The following TPTE variants were observed in gnomAD, a reference collection of about 807,000 sequenced individuals.
TPTE encodes transmembrane phosphatase with tensin homology.
In TPTE, 59 loss-of-function variants were observed where a neutral mutation model predicts 84.1. The ratio of observed to expected loss-of-function variants is 0.70; its 90% CI spans 0.57 to 0.87. The LOEUF is 0.87. Ranked by LOEUF, TPTE falls within the 40% of genes least tolerant of loss-of-function variation. TPTE has a pLI of 0.00. For synonymous variants in TPTE, 130 were observed against 223.5 expected (o/e 0.58, Z 3.73); for missense variants, 382 against 659.6 (o/e 0.58, Z 4.61).
At chr21:10,527,157 TCA>T (rs58743171) in intron 2 of TPTE, among the ~76,000 whole-genome samples, 196 bp from the exon 3 acceptor site, 2 of 150,286 alleles carry the variant, frequency 1.3e-5, no homozygotes, top group African/African-American at 4.9e-5. Context: ...TCTCTCTCTC[TCA>T]CACACACACA....
intron 18 of TPTE, among the ~76,000 whole-genome samples, chr21:10,591,069 T>A (rs1358216763): frequency 1.3e-5 from 2 of 152,304 alleles, no homozygotes; most frequent in African/African-American, 4.8e-5. Context: ...GCCTTGCCCA[T>A]CCTCACAACT....
intron 1 of TPTE, among the ~76,000 whole-genome samples, chr21:10,523,693 A>C (rs2074028625): frequency 6.6e-6 from 1 of 152,296 alleles, no homozygotes. Context: ...AATCCAGTCT[A>C]TCATTGTTGG....
chr21:10,533,295 T>C (rs1344542875), intron 3 of TPTE, among the ~76,000 whole-genome samples: 1 of 152,288 alleles, frequency 6.6e-6, no homozygotes, highest in African/African-American at 2.4e-5. Context: ...TTCTCTTTTA[T>C]TTTTTCTTAC....
chr21:10,535,751 G>A (rs569603668), intron 3 of TPTE, among the ~76,000 whole-genome samples: 1 of 152,306 alleles, frequency 6.6e-6, no homozygotes, highest in Non-Finnish European at 1.5e-5. Context: ...AACCGTAATG[G>A]GTTCCTCACC....
At chr21:10,534,449 T>C (rs571091601) in intron 3 of TPTE, among the ~76,000 whole-genome samples, 3 of 152,302 alleles carry the variant, frequency 2.0e-5, no homozygotes, top group South Asian at 2.1e-4. Flanking sequence ...GTGTTTTGTT[T>C]GTTTTGTTTT....
At chr21:10,551,323 T>A (rs1330470605) in intron 7 of TPTE, among the ~76,000 whole-genome samples, 1 of 152,268 alleles carries the variant, frequency 6.6e-6, no homozygotes, top group African/African-American at 2.4e-5. Flanking sequence ...CATTAGGAGA[T>A]ATACCTAATG....
At chr21:10,594,274 C>G (rs1479128656) in intron 19 of TPTE, among the ~76,000 whole-genome samples, 1 of 152,312 alleles carries the variant, frequency 6.6e-6, no homozygotes, top group Non-Finnish European at 1.5e-5. Context: ...AGTCCCTTTC[C>G]CTTCTCAGCC....
intron 17 of TPTE, among the ~76,000 whole-genome samples, chr21:10,588,639 A>T: frequency 6.6e-6 from 1 of 152,310 alleles, no homozygotes; most frequent in Non-Finnish European, 1.5e-5. Context: ...TCTCTAGGGC[A>T]TGCCAGTAAT....
At chr21:10,591,668 C>T (rs1407526079) in intron 18 of TPTE, among the ~76,000 whole-genome samples, 1 of 152,304 alleles carries the variant, frequency 6.6e-6, no homozygotes, top group Non-Finnish European at 1.5e-5. Context: ...TATGCGAGGC[C>T]TGTGCTTCTT....
Position 10,605,655 on chromosome 21 carries a change from A to G in TPTE, c.*103A>G. 1.3e-6 allele frequency: 2 copies of G among 1,553,228 alleles called. No homozygotes were observed. Among genetic ancestry groups the G allele is most frequent in the Non-Finnish European group, 1.7e-6 (2 of 1,152,010 alleles). ...ATCCTAAATGTTCCTTGAAGTATTT[A>G]TTTATGTTTATATATGTTTATATAT... On this transcript the variant is annotated 3_prime_UTR_variant, in exon 24 of 24. Transcript: ENST00000618007.
intron 22 of TPTE, chr21:10,602,637 G>C (rs1978695154): frequency 1.9e-6 from 1 of 517,294 alleles, no homozygotes; most frequent in Non-Finnish European, 3.9e-6. Context: ...TGGGAGCACT[G>C]ACTGGAAAGA....
chr21:10,594,533 G>A (rs1204187846), intron 19 of TPTE, among the ~76,000 whole-genome samples: 1 of 152,310 alleles, frequency 6.6e-6, no homozygotes, highest in African/African-American at 2.4e-5. Flanking sequence ...TGTAGGAGAA[G>A]GAAGCGTGGG....
At chr21:10,595,915 A>AAT in intron 19 of TPTE, 67 bp from the exon 20 acceptor site, 1 of 1,581,034 alleles carries the variant, frequency 6.3e-7, no homozygotes, top group Non-Finnish European at 8.6e-7. Flanking sequence ...TATGCAAAAA[A>AAT]AAAAAAAGGA....
At chr21:10,583,644 A>G (rs1350683429) in intron 17 of TPTE, among the ~76,000 whole-genome samples, 1 of 152,312 alleles carries the variant, frequency 6.6e-6, no homozygotes, top group African/African-American at 2.4e-5. Context: ...CTGATTAAGA[A>G]AATTTTCCTT....
intron 7 of TPTE, among the ~76,000 whole-genome samples, chr21:10,550,624 G>T: frequency 6.6e-6 from 1 of 152,302 alleles, no homozygotes; most frequent in East Asian, 1.9e-4. Context: ...TCTAAAGAGG[G>T]AGATAGACCC....
chr21:10,554,371 G>T (rs1240459721), intron 8 of TPTE, among the ~76,000 whole-genome samples: 1 of 152,308 alleles, frequency 6.6e-6, no homozygotes, highest in Non-Finnish European at 1.5e-5. Context: ...CTGTGTCAAA[G>T]GGAATGATTG....
intron 23 of TPTE, among the ~76,000 whole-genome samples, chr21:10,603,960 A>C (rs1444139782): frequency 6.6e-6 from 1 of 152,310 alleles, no homozygotes; most frequent in Non-Finnish European, 1.5e-5. Context: ...TCAATATGTC[A>C]GGTCCCTGTC....
At chr21:10,525,597 A>G (rs954472376) in intron 2 of TPTE, among the ~76,000 whole-genome samples, 27 of 152,418 alleles carry the variant, frequency 1.8e-4, no homozygotes, top group East Asian at 3.9e-4. Flanking sequence ...ACCTGGTAGC[A>G]TGATTATAAA....
At chr21:10,540,782 C>T (rs373369106) in intron 4 of TPTE, 4 of 525,902 alleles carry the variant, frequency 7.6e-6, no homozygotes, top group African/African-American at 3.8e-5. Flanking sequence ...GAATGAGGAA[C>T]TCAAATGGGA....
Sources: allele counts gnomAD v4.1 joint callset (sites outside exome capture counted in the v4.1 genomes callset), GRCh38; gene constraint gnomAD v4.1.1; transcripts MANE v1.5; gene names NCBI Gene and HGNC (gene_info 2026-07-23, HGNC 2026-07-21).